HDGFL3: variants seen among roughly 807,000 people sequenced by gnomAD.
HDGFL3 encodes HDGF like 3.
Under a neutral mutation model 27.6 loss-of-function variants are expected in HDGFL3, and 6 were observed. The ratio of observed to expected loss-of-function variants is 0.22; its 90% CI spans 0.12 to 0.43. The LOEUF is 0.43. Ranked by LOEUF, HDGFL3 falls within the 20% of genes least tolerant of loss-of-function variation. The pLI, the probability that HDGFL3 is intolerant of heterozygous loss-of-function variation, is 1.00. For synonymous variants in HDGFL3, 88 were observed against 88.9 expected (o/e 0.99, Z 0.05); for missense variants, 207 against 250.1 (o/e 0.83, Z 1.16).
rs60935326 is a variant in HDGFL3, at chr15:83,130,396, G to A, written c.*8874C>T. 0.045 allele frequency: 6,907 copies of A among 152,398 alleles called. 434 individuals are homozygous for A. Among genetic ancestry groups the A allele is most frequent in the African/African-American group, 0.13 (5,550 of 41,548 alleles). The allele number at this position is 152,398 out of a possible 1,614,324, so 9.4% of individuals were successfully genotyped here. ...TACAGAGCAGCTGGCAGCCGCAGGGGCATTACCTCATTCATGTCAGACGTC... is the reference window on the plus strand; with the variant it reads ...TACAGAGCAGCTGGCAGCCGCAGGGACATTACCTCATTCATGTCAGACGTC... On this transcript the variant is annotated 3_prime_UTR_variant, in exon 6 of 6. Coordinates refer to ENST00000299633, the MANE Select transcript of HDGFL3 (RefSeq NM_016073.4).
At chr15:83,156,740 C>A (rs2037034555) in intron 4 of HDGFL3, among the ~76,000 whole-genome samples, 1 of 151,968 alleles carries the variant, frequency 6.6e-6, no homozygotes, top group Non-Finnish European at 1.5e-5. Flanking sequence ...GTCACCCAGG[C>A]TGGAGTGCAG....
intron 1 of HDGFL3, among the ~76,000 whole-genome samples, chr15:83,191,327 G>A (rs991786824): frequency 4.6e-5 from 7 of 152,122 alleles, no homozygotes; most frequent in Admixed American, 3.3e-4. Flanking sequence ...AAATCAGCAA[G>A]GACTAAAAGA....
chr15:83,180,323 G>C (rs1407353286), intron 1 of HDGFL3, among the ~76,000 whole-genome samples: 1 of 152,126 alleles, frequency 6.6e-6, no homozygotes, highest in Admixed American at 6.5e-5. Flanking sequence ...AAGAATGGAA[G>C]AAGGGCAAGC....
Position 83,136,440 on chromosome 15 carries a change from C to T in HDGFL3, c.*2830G>A, listed in dbSNP as rs371442568. 5.2e-6 allele frequency: 8 copies of T among 1,526,074 alleles called. No homozygotes were observed. The highest frequency in any genetic ancestry group is 2.6e-5 in the South Asian group (2 of 76,168). 94.5% of individuals were successfully genotyped at this position (1,526,074 alleles called of 1,614,324 possible). On this transcript the variant is annotated 3_prime_UTR_variant, in exon 6 of 6. Coordinates refer to ENST00000299633, the MANE Select transcript of HDGFL3 (RefSeq NM_016073.4). ...AACTCATCATGCATCCAACTGAACA[C>T]GTTTCATGCTTACTCAATTTTTTTT...
intron 1 of HDGFL3, among the ~76,000 whole-genome samples, chr15:83,171,350 T>G (rs1218811915): frequency 6.6e-6 from 1 of 152,198 alleles, no homozygotes; most frequent in African/African-American, 2.4e-5. Context: ...CTCAAAGAAC[T>G]TATGAATAGA....
chr15:83,142,696 C>T (rs922532362), intron 5 of HDGFL3, among the ~76,000 whole-genome samples: 2 of 152,010 alleles, frequency 1.3e-5, no homozygotes, highest in African/African-American at 4.8e-5. Flanking sequence ...CTCATATCAC[C>T]ATTTTTCAAT....
At position 83,113,107 on chromosome 15, in the gene HDGFL3, C is replaced by A. The variant is rs71412295; in HGVS notation, c.*2602G>T. The A allele has an allele frequency of 0.082, 47,953 of 582,096 alleles. 2,505 individuals are homozygous for A. Among genetic ancestry groups the A allele is most frequent in the Middle Eastern group, 0.15 (335 of 2,200 alleles). 36.1% of individuals were successfully genotyped at this position (582,096 alleles called of 1,614,324 possible). Reference sequence around the variant, plus strand: ...CTCCACCCTCTCCCAGGTGGCATCCCGGTGGAGAGTTACTGCCAGGCCAGG... The same window carrying A: ...CTCCACCCTCTCCCAGGTGGCATCCAGGTGGAGAGTTACTGCCAGGCCAGG... On this transcript the variant is annotated 3_prime_UTR_variant, in exon 4 of 4. Transcript: ENST00000568294.
Position 83,157,998 on chromosome 15 carries a change from T to C in HDGFL3, c.205A>G (p.Lys69Glu). 1 of 1,612,324 alleles carries C rather than the reference T, an allele frequency of 6.2e-7. No homozygotes were observed. The highest frequency in any genetic ancestry group is 8.5e-7 in the Non-Finnish European group (1 of 1,178,696). ...PKDLFPYKEY[K>E]DKFGKSNKRK... ...TTGTTTGACTTTCCAAACTTGTCTT[T>C]GTACTCCTTATATGGAAAAAGGTCT... is the stretch of plus-strand genomic sequence containing the variant. Residue 69 changes from lysine to glutamate, a missense_variant, in exon 3 of 6, where the codon AAA becomes GAA. Physicochemically the swap from Lys to Glu is moderately conservative, Grantham distance 56 (BLOSUM62 1). Transcript: ENST00000299633.
At chr15:83,143,728 G>C (rs2036831450) in intron 5 of HDGFL3, among the ~76,000 whole-genome samples, 1 of 152,170 alleles carries the variant, frequency 6.6e-6, no homozygotes, top group South Asian at 2.1e-4. Context: ...ACTTAATCTT[G>C]TGGGGCACTG....
intron 3 of HDGFL3, among the ~76,000 whole-genome samples, chr15:83,121,496 A>T (rs2035239925): frequency 6.6e-6 from 1 of 152,130 alleles, no homozygotes; most frequent in Non-Finnish European, 1.5e-5. Flanking sequence ...AAATTCTGTG[A>T]CCCCAGAAAA....
intron 1 of HDGFL3, among the ~76,000 whole-genome samples, chr15:83,172,245 C>G (rs2037254728): frequency 6.6e-6 from 1 of 152,154 alleles, no homozygotes; most frequent in Non-Finnish European, 1.5e-5. Flanking sequence ...CTCTCTTGCC[C>G]TTCTGTCTTT....
chr15:83,207,211 CACCACA>C lies in HDGFL3; in HGVS notation c.84+114_84+119del. 1.5e-6 allele frequency: 1 copy of C among 646,624 alleles called. No individual in the cohort carries two copies. Among genetic ancestry groups the C allele is most frequent in the Non-Finnish European group, 2.2e-6 (1 of 447,186 alleles). The allele number at this position is 646,624 out of a possible 1,614,324, so 40.1% of individuals were successfully genotyped here. A position where few individuals can be genotyped will look rare whatever the true frequency, so the allele number is the denominator to read the frequency against. On this transcript the variant is annotated intron_variant, in intron 1 of 5. Coordinates refer to ENST00000299633, the MANE Select transcript of HDGFL3 (RefSeq NM_016073.4). This position sits in a 1 kb window ranked among gnomAD's most constrained non-coding sequence, Gnocchi z 4.8. ...TTCGTGCCGCGCCGCCCTCAGCCCT[CACCACA>C]GCCGGCCGCGAGCTGCGGGCTCGGG... is the stretch of plus-strand genomic sequence containing the variant.
At chr15:83,120,154 G>A (rs927605947) in intron 3 of HDGFL3, 1 of 168,762 alleles carries the variant, frequency 5.9e-6, no homozygotes, top group African/African-American at 2.4e-5. Flanking sequence ...CAGTGGATGT[G>A]TATGTACAAG....
chr15:83,207,425 C>T lies in HDGFL3; in HGVS notation c.-11G>A. 1 of 1,322,202 alleles carries T rather than the reference C, an allele frequency of 7.6e-7. No homozygotes were observed. The highest frequency in any genetic ancestry group is 9.7e-7 in the Non-Finnish European group (1 of 1,030,558). 81.9% of individuals were successfully genotyped at this position (1,322,202 alleles called of 1,614,324 possible). On this transcript the variant is annotated 5_prime_UTR_variant, in exon 1 of 6. Coordinates refer to ENST00000299633, the MANE Select transcript of HDGFL3 (RefSeq NM_016073.4). The surrounding 1 kb of genome is among the most constrained non-coding windows in gnomAD (Gnocchi z 4.8). ...CCGCGGACGCGCCATCCCAGCCGCTCCCCTTCCTGGTAGTCCTTGGTCGCC... is the reference window on the plus strand; with the variant it reads ...CCGCGGACGCGCCATCCCAGCCGCTTCCCTTCCTGGTAGTCCTTGGTCGCC...
downstream of HDGFL3, chr15:83,122,854 A>C: frequency 6.2e-7 from 1 of 1,614,096 alleles, no homozygotes; most frequent in Non-Finnish European, 8.5e-7. Context: ...ATCAGCCATC[A>C]GAAAATTATA....
At position 83,135,717 on chromosome 15, in the gene HDGFL3, G is replaced by T. The variant is rs1171612293; in HGVS notation, c.*3553C>A. The T allele has an allele frequency of 1.3e-5, 2 of 152,166 alleles. No individual in the cohort carries two copies. The highest frequency in any genetic ancestry group is 2.9e-5 in the Non-Finnish European group (2 of 68,040). 9.4% of individuals were successfully genotyped at this position (152,166 alleles called of 1,614,324 possible). ...TATAAGTAGAGAGGGAGGCCATTTT[G>T]CAAATGCGGATAATGCTGACATGTC... On this transcript the variant is annotated 3_prime_UTR_variant, in exon 6 of 6. Coordinates refer to ENST00000299633, the MANE Select transcript of HDGFL3 (RefSeq NM_016073.4).
intron 1 of HDGFL3, among the ~76,000 whole-genome samples, chr15:83,199,125 A>G (rs2037606825): frequency 6.6e-6 from 1 of 152,194 alleles, no homozygotes; most frequent in Non-Finnish European, 1.5e-5. Flanking sequence ...TAGTCCAGGG[A>G]AGGAGATAAG....
intron 3 of HDGFL3, among the ~76,000 whole-genome samples, chr15:83,116,731 G>A (rs1263319548): frequency 6.6e-6 from 1 of 152,190 alleles, no homozygotes; most frequent in African/African-American, 2.4e-5. Context: ...GCTGGATGGA[G>A]GCAGCGCATG....
At chr15:83,202,806 A>G (rs2037664866) in intron 1 of HDGFL3, among the ~76,000 whole-genome samples, 1 of 152,078 alleles carries the variant, frequency 6.6e-6, no homozygotes, top group Non-Finnish European at 1.5e-5. Context: ...CTTTCTACCC[A>G]CTACAAACCA....
Sources: gnomAD v4.1 joint callset for allele counts (sites outside exome capture counted in the v4.1 genomes callset) on GRCh38, gnomAD v4.1.1 for gene constraint, Gnocchi (gnomAD v3.1) non-coding constraint, MANE v1.5 for transcripts, NCBI Gene and HGNC (gene_info 2026-07-23, HGNC 2026-07-21) for gene names.